Variants in MBNL2 observed in about 807,000 individuals in gnomAD.
The protein encoded by MBNL2 is muscleblind like splicing regulator 2.
In MBNL2, 17 loss-of-function variants were observed where a neutral mutation model predicts 41.9. That is an observed-to-expected ratio of 0.41 (90% CI 0.28 to 0.61). The LOEUF is 0.61. MBNL2 is among the 20% of genes least tolerant of loss of function. The pLI is 0.35. For synonymous variants in MBNL2, 195 were observed against 182.9 expected (o/e 1.07, Z -0.53); for missense variants, 336 against 505.6 (o/e 0.66, Z 3.22).
At chr13:97,331,872 A>G (rs974393853) in intron 2 of MBNL2, among the ~76,000 whole-genome samples, 1 of 152,242 alleles carries the variant, frequency 6.6e-6, no homozygotes, top group Non-Finnish European at 1.5e-5. Flanking sequence ...AATACTTTCT[A>G]TTAGCTGAAA....
the MBNL2 span, among the ~76,000 whole-genome samples, chr13:97,152,008 T>C: frequency 1.3e-5 from 2 of 152,096 alleles, no homozygotes; most frequent in Non-Finnish European, 2.9e-5. Context: ...CCAGTAATTT[T>C]AGGAAATCTG....
intron 2 of MBNL2, among the ~76,000 whole-genome samples, chr13:97,328,634 T>C (rs2060115462): frequency 6.6e-6 from 1 of 150,906 alleles, no homozygotes; most frequent in Non-Finnish European, 1.5e-5. Flanking sequence ...ACTCAGCCCA[T>C]GTAAAGACAC....
chr13:97,217,103 T>C (rs562765978), upstream of MBNL2, among the ~76,000 whole-genome samples: 2 of 145,754 alleles, frequency 1.4e-5, no homozygotes, highest in Non-Finnish European at 3.0e-5. Flanking sequence ...TATATACATA[T>C]CATATACAGT....
chr13:97,225,927 G>T (rs574135107), intron 1 of MBNL2, among the ~76,000 whole-genome samples: 1 of 152,272 alleles, frequency 6.6e-6, no homozygotes, highest in African/African-American at 2.4e-5. Flanking sequence ...TAATGCTTTG[G>T]TTTCTCTCAG....
chr13:97,217,291 A>G (rs2040462759), upstream of MBNL2, among the ~76,000 whole-genome samples: 1 of 152,160 alleles, frequency 6.6e-6, no homozygotes, highest in African/African-American at 2.4e-5. Context: ...CTATTCAGAA[A>G]GTGTCTGCTA....
At chr13:97,188,294 A>G in the MBNL2 span, among the ~76,000 whole-genome samples, 8 of 152,106 alleles carry the variant, frequency 5.3e-5, no homozygotes, top group Admixed American at 2.6e-4. Flanking sequence ...GCTTCCCCAA[A>G]TAACAGTTCC....
chr13:97,263,611 G>C (rs1456691684), intron 1 of MBNL2, among the ~76,000 whole-genome samples: 1 of 152,118 alleles, frequency 6.6e-6, no homozygotes, highest in African/African-American at 2.4e-5. Context: ...CGAGGAACCA[G>C]CCTGTACCTC....
At chr13:97,363,065 C>G (rs1440273349) in intron 7 of MBNL2, 2 of 152,232 alleles carry the variant, frequency 1.3e-5, no homozygotes, top group Non-Finnish European at 2.9e-5. Context: ...CGAGATCAGA[C>G]AAGATCTGGC....
At chr13:97,388,478 C>G (rs2066119258) in intron 8 of MBNL2, among the ~76,000 whole-genome samples, 1 of 152,014 alleles carries the variant, frequency 6.6e-6, no homozygotes, top group Non-Finnish European at 1.5e-5. Flanking sequence ...AAAAACTAGA[C>G]AAGAGGTTCC....
In MBNL2 at chr13:97,276,222, A is replaced by G; in HGVS notation, c.-14A>G. ...CATTTAACAGAAACAAACAGCCCAA[A>G]TTACTTTATCACCATGGCTTTGAAC... On this transcript the variant is annotated 5_prime_UTR_variant, in exon 2 of 9. Transcript: ENST00000679496. The G allele has an allele frequency of 6.2e-7, 1 of 1,607,230 alleles. No homozygotes were observed. Among genetic ancestry groups the G allele is most frequent in the Non-Finnish European group, 8.5e-7 (1 of 1,175,178 alleles).
the MBNL2 span, among the ~76,000 whole-genome samples, chr13:97,142,149 T>G: frequency 1.3e-5 from 2 of 152,210 alleles, no homozygotes; most frequent in African/African-American, 4.8e-5. Flanking sequence ...AAATTAAAGC[T>G]TTCTCATTTA....
intron 2 of MBNL2, among the ~76,000 whole-genome samples, chr13:97,281,287 G>T (rs1043971407): frequency 6.6e-6 from 1 of 152,104 alleles, no homozygotes; most frequent in Non-Finnish European, 1.5e-5. Context: ...GTTGTGCAGT[G>T]GACAACCTGT....
chr13:97,265,969 C>T (rs959580335), intron 1 of MBNL2, among the ~76,000 whole-genome samples: 14 of 152,164 alleles, frequency 9.2e-5, no homozygotes, highest in South Asian at 2.1e-4. Flanking sequence ...AGGCCGGGCA[C>T]GGTGGCTCAC....
chr13:97,149,295 G>T, the MBNL2 span, among the ~76,000 whole-genome samples: 1 of 152,156 alleles, frequency 6.6e-6, no homozygotes, highest in African/African-American at 2.4e-5. Flanking sequence ...AAGTGCTCCT[G>T]GAGCTCCTGG....
the MBNL2 span, among the ~76,000 whole-genome samples, chr13:97,177,959 C>T: frequency 1.3e-5 from 2 of 152,252 alleles, no homozygotes; most frequent in African/African-American, 4.8e-5. Flanking sequence ...AAGTTGCATC[C>T]ATTGCCAGAC....
chr13:97,173,409 A>T, the MBNL2 span, among the ~76,000 whole-genome samples: 1 of 152,234 alleles, frequency 6.6e-6, no homozygotes, highest in African/African-American at 2.4e-5. Context: ...CTATGCAGGA[A>T]GGAGGCTGAA....
chr13:97,227,382 TGCTGCG>T (rs2041801268), intron 1 of MBNL2, among the ~76,000 whole-genome samples: 1 of 152,148 alleles, frequency 6.6e-6, no homozygotes, highest in East Asian at 1.9e-4. Context: ...ACACTGAAAA[TGCTGCG>T]GCCGTTTGCA....
chr13:97,305,830 T>C (rs2058076254), intron 2 of MBNL2, among the ~76,000 whole-genome samples: 1 of 152,120 alleles, frequency 6.6e-6, no homozygotes, highest in Non-Finnish European at 1.5e-5. Context: ...CAGAGTCTCA[T>C]GATGAGTTTC....
the MBNL2 span, among the ~76,000 whole-genome samples, chr13:97,153,625 A>T: frequency 6.6e-6 from 1 of 152,332 alleles, no homozygotes; most frequent in South Asian, 2.1e-4. Flanking sequence ...GAAAAAACAG[A>T]AAACCTTTTA....
Sources: gnomAD v4.1 joint callset for allele counts (sites outside exome capture counted in the v4.1 genomes callset) on GRCh38, gnomAD v4.1.1 for gene constraint, MANE v1.5 for transcripts, NCBI Gene and HGNC (gene_info 2026-07-23, HGNC 2026-07-21) for gene names.